The following KCNH7 variants were observed in gnomAD, a reference collection of about 807,000 sequenced individuals.
KCNH7 encodes potassium voltage-gated channel subfamily H member 7.
KCNH7 carries 49 observed loss-of-function variants against 120.8 expected under a neutral mutation model. The observed-to-expected ratio is 0.41, with a 90% CI of 0.32 to 0.51. KCNH7 has a LOEUF of 0.51. KCNH7 is among the 20% of genes least tolerant of loss of function. The pLI is 0.38. For synonymous variants in KCNH7, 547 were observed against 516.1 expected (o/e 1.06, Z -0.81); for missense variants, 1,097 against 1,446.6 (o/e 0.76, Z 3.92).
intron 2 of KCNH7, among the ~76,000 whole-genome samples, chr2:162,672,080 A>G (rs1685380612): frequency 6.6e-6 from 1 of 152,066 alleles, no homozygotes. Context: ...CACAGGAAAA[A>G]AATTGATCAA....
Position 162,419,073 on chromosome 2 carries a change from T to C in KCNH7, c.2154+4263A>G, listed in dbSNP as rs373162107. On this transcript the variant is annotated intron_variant, in intron 9 of 15. Coordinates refer to ENST00000332142, the MANE Select transcript of KCNH7 (RefSeq NM_033272.4). ...CTGCTTGACCTAGGAAACTGAACGATGCAATGGAAGTGCTATCAAGTTCCC... is the reference window on the plus strand; with the variant it reads ...CTGCTTGACCTAGGAAACTGAACGACGCAATGGAAGTGCTATCAAGTTCCC... Among the ~76,000 whole-genome samples, 5 of 151,932 alleles carry C rather than the reference T, an allele frequency of 3.3e-5. No individual in the cohort carries two copies. The East Asian group carries it at 9.8e-4, about 30-fold the overall frequency.
At chr2:162,639,104 TA>T (rs1404157071) in intron 2 of KCNH7, among the ~76,000 whole-genome samples, 1 of 152,056 alleles carries the variant, frequency 6.6e-6, no homozygotes, top group Non-Finnish European at 1.5e-5. Context: ...CTCCAGACAT[TA>T]ACAAACATCC....
At chr2:162,388,858 A>G (rs1451257791) in intron 12 of KCNH7, among the ~76,000 whole-genome samples, 1 of 151,980 alleles carries the variant, frequency 6.6e-6, no homozygotes, top group Non-Finnish European at 1.5e-5. Flanking sequence ...AAATGTAATG[A>G]GTTCAGTACA....
chr2:162,739,949 A>C (rs1212354926), intron 2 of KCNH7, among the ~76,000 whole-genome samples: 1 of 151,994 alleles, frequency 6.6e-6, no homozygotes. Context: ...GGGGAGAATT[A>C]ATTGGATTGC....
intron 4 of KCNH7, among the ~76,000 whole-genome samples, chr2:162,516,187 C>T (rs1030621445): frequency 5.3e-5 from 8 of 151,796 alleles, no homozygotes; most frequent in South Asian, 2.1e-4. Context: ...ATGCTGGAGG[C>T]GCTCACAGCA....
chr2:162,393,731 T>C (rs902379674), intron 12 of KCNH7, among the ~76,000 whole-genome samples: 21 of 151,878 alleles, frequency 1.4e-4, no homozygotes, highest in African/African-American at 4.6e-4. Context: ...CCAAGAACAA[T>C]TAAATGTACA....
chr2:162,626,136 T>C (rs1246825414), intron 2 of KCNH7, among the ~76,000 whole-genome samples: 1 of 152,156 alleles, frequency 6.6e-6, no homozygotes, highest in South Asian at 2.1e-4. Flanking sequence ...ATATGTACTA[T>C]TTTTATGGTA....
At chr2:162,774,783 G>C (rs1365582758) in intron 2 of KCNH7, among the ~76,000 whole-genome samples, 1 of 152,074 alleles carries the variant, frequency 6.6e-6, no homozygotes. Flanking sequence ...AAATATTTTG[G>C]TGTCTTTCGA....
intron 6 of KCNH7, 22 bp from the exon 7 acceptor site, chr2:162,446,465 A>G: frequency 6.4e-7 from 1 of 1,560,326 alleles, no homozygotes; most frequent in Non-Finnish European, 8.7e-7. Context: ...AAAGAAAATC[A>G]TACACTACAT....
chr2:162,401,090 G>A (rs1275466442), intron 9 of KCNH7, among the ~76,000 whole-genome samples: 4 of 151,896 alleles, frequency 2.6e-5, no homozygotes, highest in Non-Finnish European at 5.9e-5. Flanking sequence ...TTCAGAAATG[G>A]AAATTGCACC....
chr2:162,693,938 A>G (rs1686200929), intron 2 of KCNH7, among the ~76,000 whole-genome samples: 1 of 152,200 alleles, frequency 6.6e-6, no homozygotes, highest in African/African-American at 2.4e-5. Context: ...ACAGTATTCT[A>G]TTGTTGTTAA....
chr2:162,679,891 G>C (rs111295910), intron 2 of KCNH7, among the ~76,000 whole-genome samples: 1,522 of 151,750 alleles, frequency 0.01, 24 homozygotes, highest in African/African-American at 0.034. Context: ...TGTATTTAAA[G>C]TTTGTAATGT....
At chr2:162,586,029 A>G (rs769411577) in intron 2 of KCNH7, among the ~76,000 whole-genome samples, 3 of 152,060 alleles carry the variant, frequency 2.0e-5, no homozygotes, top group Non-Finnish European at 4.4e-5. Flanking sequence ...CTTCCCATAT[A>G]GTTATGATTA....
chr2:162,669,569 T>C (rs1380825773), intron 2 of KCNH7, among the ~76,000 whole-genome samples: 3 of 152,222 alleles, frequency 2.0e-5, no homozygotes, highest in Admixed American at 6.5e-5. Flanking sequence ...TTTAAAGCAG[T>C]GGTTCCCAAA....
At chr2:162,749,170 C>G (rs1043531270) in intron 2 of KCNH7, among the ~76,000 whole-genome samples, 2 of 151,620 alleles carry the variant, frequency 1.3e-5, no homozygotes, top group Admixed American at 6.6e-5. Flanking sequence ...TTTTCCACCC[C>G]TTTCTTCTCT....
intron 3 of KCNH7, among the ~76,000 whole-genome samples, chr2:162,531,645 A>AT (rs1463966711): frequency 4.6e-5 from 7 of 151,304 alleles, no homozygotes; most frequent in African/African-American, 1.2e-4. Context: ...TGGTAGCTCA[A>AT]TTTTTTTTTC....
In KCNH7 at chr2:162,382,490, A is replaced by G. The variant is rs1686447168; in HGVS notation, c.2962+2198T>C. On this transcript the variant is annotated intron_variant, in intron 13 of 15. Transcript: ENST00000332142. ...ATAGTTGCAAGACACATTTCTGGAA[A>G]TGTATGAACAGAAAGTAAACTTTCA... 2.0e-5 allele frequency among the ~76,000 whole-genome samples: 3 copies of G among 152,054 alleles called. No individual in the cohort carries two copies. In the South Asian group the frequency reaches 6.2e-4, roughly 31 times the overall value.
At chr2:162,680,976 A>C (rs1685691227) in intron 2 of KCNH7, among the ~76,000 whole-genome samples, 1 of 151,876 alleles carries the variant, frequency 6.6e-6, no homozygotes. Flanking sequence ...TGTATATATA[A>C]AATCCTTTTT....
chr2:162,562,063 G>A (rs1185965263), intron 2 of KCNH7, among the ~76,000 whole-genome samples: 2 of 152,086 alleles, frequency 1.3e-5, no homozygotes, highest in Non-Finnish European at 2.9e-5. Flanking sequence ...CCTGTTGGGT[G>A]GTCGGGGGCT....
Sources: allele counts gnomAD v4.1 joint callset (sites outside exome capture counted in the v4.1 genomes callset), GRCh38; gene constraint gnomAD v4.1.1; transcripts MANE v1.5; gene names NCBI Gene and HGNC (gene_info 2026-07-23, HGNC 2026-07-21).